The following DTNA variants were observed in gnomAD, a reference collection of about 807,000 sequenced individuals.
DTNA encodes dystrophin-related protein 3.
DTNA carries 43 observed loss-of-function variants against 100.7 expected under a neutral mutation model. The observed-to-expected ratio is 0.43, with a 90% CI of 0.33 to 0.55. DTNA has a LOEUF of 0.55. DTNA is among the 20% of genes least tolerant of loss of function. The pLI is 0.04. For missense variants in DTNA, 798 were observed against 953.9 expected, an observed-to-expected ratio of 0.84 and a Z score of 2.15; for synonymous variants, 349 against 347.9, an observed-to-expected ratio of 1.00 and a Z score of -0.04.
chr18:34,806,241 G>C lies in DTNA; in HGVS notation c.385G>C (p.Val129Leu). The C allele has an allele frequency of 1.9e-6, 3 of 1,613,904 alleles. No homozygotes were observed. The highest frequency in any genetic ancestry group is 2.5e-6 in the Non-Finnish European group (3 of 1,179,904). Residue 129 changes from valine (V) to leucine (L), a missense_variant, in exon 5 of 23, where the codon GTA (valine) becomes CTA (leucine). Around this residue, in one of 6 missense-constraint regions of DTNA, gnomAD observed 197 missense variants for 215.4 expected, o/e 0.91. Transcript: ENST00000444659. ...FDPEGHGKIS[V>L]FAVKMALATL... Reference sequence around the variant, plus strand: ...CAGGGAAGGCCATGGTAAAATTTCAGTATTTGCTGTCAAAATGGCTTTAGC... The same window carrying C: ...CAGGGAAGGCCATGGTAAAATTTCACTATTTGCTGTCAAAATGGCTTTAGC...
At chr18:34,573,514 C>T (rs1209413776) in intron 1 of DTNA, among the ~76,000 whole-genome samples, 2 of 152,118 alleles carry the variant, frequency 1.3e-5, no homozygotes, top group Non-Finnish European at 2.9e-5. Context: ...TATGCTATAA[C>T]CATTAATTGA....
intron 1 of DTNA, among the ~76,000 whole-genome samples, chr18:34,734,552 T>G (rs1353896132): frequency 6.6e-6 from 1 of 152,166 alleles, no homozygotes; most frequent in African/African-American, 2.4e-5. Flanking sequence ...TTTTCCACAA[T>G]TTCAGCTCTT....
intron 14 of DTNA, 30 bp downstream of exon 14, chr18:34,848,413 G>A (rs745863154): frequency 6.2e-7 from 1 of 1,607,952 alleles, no homozygotes; most frequent in Admixed American, 1.7e-5. Context: ...GGATTCGTCT[G>A]TTGGCATCTG....
chr18:34,717,217 C>A (rs916261556), intron 1 of DTNA, among the ~76,000 whole-genome samples: 1 of 152,096 alleles, frequency 6.6e-6, no homozygotes, highest in African/African-American at 2.4e-5. Flanking sequence ...GTAGCTAGTG[C>A]GACTGATGAA....
chr18:34,520,587 A>T (rs1601423826), intron 1 of DTNA, among the ~76,000 whole-genome samples: 1 of 152,026 alleles, frequency 6.6e-6, no homozygotes, highest in Non-Finnish European at 1.5e-5. Flanking sequence ...GCTGGAGGCA[A>T]AGGTTGCAGT....
intron 9 of DTNA, among the ~76,000 whole-genome samples, chr18:34,824,597 AT>A (rs2095811124): frequency 1.4e-4 from 21 of 152,178 alleles, no homozygotes. Flanking sequence ...TAGTCCTCTA[AT>A]ATATATTGCA....
At chr18:34,514,476 G>A (rs2041399039) in intron 1 of DTNA, among the ~76,000 whole-genome samples, 1 of 152,106 alleles carries the variant, frequency 6.6e-6, no homozygotes. Flanking sequence ...GGCTCATGGT[G>A]AATCACAGTG....
chr18:34,820,924 C>T lies in DTNA; in HGVS notation c.1001+9C>T. On this transcript the variant is annotated intron_variant, in intron 9 of 22. Coordinates refer to ENST00000444659, the MANE Select transcript of DTNA (RefSeq NM_001386795.1). ...AACTTGGCTCACATCGTGTGAGTAT[C>T]CCTACCCTCCCAGTATAGAGACAAT... is the stretch of plus-strand genomic sequence containing the variant. 1.9e-6 allele frequency: 3 copies of T among 1,612,086 alleles called. No individual in the cohort carries two copies. Among genetic ancestry groups the T allele is most frequent in the Non-Finnish European group, 2.5e-6 (3 of 1,179,634 alleles).
intron 9 of DTNA, among the ~76,000 whole-genome samples, chr18:34,826,798 A>G (rs2095868564): frequency 6.6e-6 from 1 of 152,142 alleles, no homozygotes; most frequent in African/African-American, 2.4e-5. Flanking sequence ...TGGAGATGAG[A>G]TAGGGATCTT....
Position 34,585,518 on chromosome 18 carries a change from G to A in DTNA, c.-2+92004G>A, listed in dbSNP as rs574349758. ...GTAGTTTATCTAAGATTGTTGTGTA[G>A]TTAAATTGGGAAGATTAAGCTAAGG... On this transcript the variant is annotated intron_variant, in intron 1 of 19. Coordinates refer to the DTNA transcript ENST00000283365. Among the ~76,000 whole-genome samples the A allele has an allele frequency of 2.0e-5, 3 of 152,256 alleles. No homozygotes were observed. The South Asian group carries it at 6.2e-4, about 32-fold the overall frequency.
At chr18:34,638,334 C>T (rs1202200091) in intron 1 of DTNA, among the ~76,000 whole-genome samples, 2 of 152,162 alleles carry the variant, frequency 1.3e-5, no homozygotes, top group Non-Finnish European at 2.9e-5. Flanking sequence ...TTCCTTTACT[C>T]CTCACAGCAA....
intron 3 of DTNA, among the ~76,000 whole-genome samples, chr18:34,792,416 A>C (rs909702173): frequency 6.6e-6 from 1 of 152,182 alleles, no homozygotes; most frequent in Non-Finnish European, 1.5e-5. Flanking sequence ...CTGAAAAGCA[A>C]AAGTAAGAGA....
At chr18:34,762,154 T>G (rs2093212918) in intron 2 of DTNA, among the ~76,000 whole-genome samples, 1 of 152,218 alleles carries the variant, frequency 6.6e-6, no homozygotes, top group African/African-American at 2.4e-5. Flanking sequence ...TTTATTTAAA[T>G]TCCATCTTTT....
chr18:34,761,212 A>G (rs2093146537), intron 2 of DTNA, among the ~76,000 whole-genome samples: 1 of 152,046 alleles, frequency 6.6e-6, no homozygotes, highest in Non-Finnish European at 1.5e-5. Flanking sequence ...CAGCAGGTTC[A>G]TCATAGGCTT....
intron 14 of DTNA, among the ~76,000 whole-genome samples, chr18:34,849,210 T>TAAATAAATAAATAAATAA: frequency 6.6e-6 from 1 of 152,100 alleles, no homozygotes; most frequent in Non-Finnish European, 1.5e-5. Context: ...TTAAGGGCCA[T>TAAATAAATAAATAAATAA]AAGTAAGGAG....
chr18:34,557,691 G>T (rs1417607706), intron 1 of DTNA, among the ~76,000 whole-genome samples: 1 of 151,590 alleles, frequency 6.6e-6, no homozygotes, highest in African/African-American at 2.4e-5. Context: ...GGGGGTCAGG[G>T]GTCAGGGACC....
chr18:34,840,164 G>C (rs2096242119), intron 13 of DTNA, among the ~76,000 whole-genome samples: 1 of 152,076 alleles, frequency 6.6e-6, no homozygotes, highest in South Asian at 2.1e-4. Flanking sequence ...CAGTACACTA[G>C]TTTAATTTTA....
At chr18:34,561,681 T>C (rs527532043) in intron 1 of DTNA, among the ~76,000 whole-genome samples, 7 of 152,220 alleles carry the variant, frequency 4.6e-5, no homozygotes, top group South Asian at 4.2e-4. Context: ...TTGAACAGTA[T>C]AGGGAATAAT....
At chr18:34,524,891 G>C (rs1283435739) in intron 1 of DTNA, among the ~76,000 whole-genome samples, 1 of 152,092 alleles carries the variant, frequency 6.6e-6, no homozygotes, top group Non-Finnish European at 1.5e-5. Flanking sequence ...CCAAGCACTT[G>C]AAAGCAAGTG....
Sources: allele counts gnomAD v4.1 joint callset (sites outside exome capture counted in the v4.1 genomes callset), GRCh38; gene constraint gnomAD v4.1.1; regional missense constraint gnomAD v4.1.1; transcripts MANE v1.5; gene names NCBI Gene and HGNC (gene_info 2026-07-23, HGNC 2026-07-21).